The following DOP1B variants were observed in gnomAD, a reference collection of about 807,000 sequenced individuals.
DOP1B encodes protein DOP1B.
A neutral mutation model predicts 233.5 loss-of-function variants in DOP1B; 174 were observed. That is an observed-to-expected ratio of 0.75 (90% CI 0.66 to 0.85). The LOEUF (loss-of-function observed/expected upper bound fraction) is 0.85. DOP1B is among the 40% of genes least tolerant of loss of function. The pLI is 0.00. For missense variants in DOP1B, 2,652 were observed against 2,846.6 expected, an observed-to-expected ratio of 0.93 and a Z score of 1.56; for synonymous variants, 1,190 against 1,185.6, an observed-to-expected ratio of 1.00 and a Z score of -0.08.
intron 27 of DOP1B, among the ~76,000 whole-genome samples, chr21:36,270,551 T>C (rs188813408): frequency 0.032 from 603 of 18,886 alleles, 24 homozygotes; most frequent in African/African-American, 0.12. Flanking sequence ...AGACTCCGTC[T>C]CAAAAAAAAA....
intron 4 of DOP1B, among the ~76,000 whole-genome samples, chr21:36,205,588 A>G (rs1382794706): frequency 6.6e-6 from 1 of 151,864 alleles, no homozygotes; most frequent in Non-Finnish European, 1.5e-5. Flanking sequence ...GGGTTTTACC[A>G]TGTTGGCCAG....
In DOP1B at chr21:36,263,614, T is replaced by G. The variant is rs761967672; in HGVS notation, c.5384T>G (p.Leu1795Trp). The change falls in exon 25 of 37, where the codon TTG becomes TGG. Residue 1795 changes from leucine to tryptophan, a missense_variant. Leu to Trp is a moderately conservative substitution (Grantham distance 61, BLOSUM62 -2). This residue lies in a region of DOP1B where 2,617 missense variants were observed against 2,794.3 expected (regional missense o/e 0.94). Transcript: ENST00000691173. ...GGAGTATTGAAAGAGTCTGTACAGTTGAATCTAGCCCCACCTGGGTATTTT... is the reference window on the plus strand; with the variant it reads ...GGAGTATTGAAAGAGTCTGTACAGTGGAATCTAGCCCCACCTGGGTATTTT... ...LLGVLKESVQ[L>W]NLAPPGYFLL... 6.2e-7 allele frequency: 1 copy of G among 1,614,210 alleles called. No individual in the cohort carries two copies. Among genetic ancestry groups the G allele is most frequent in the Admixed American group, 1.7e-5 (1 of 60,014 alleles).
chr21:36,201,777 G>A (rs2066370571), intron 4 of DOP1B, among the ~76,000 whole-genome samples: 2 of 152,202 alleles, frequency 1.3e-5, no homozygotes, highest in Non-Finnish European at 2.9e-5. Flanking sequence ...ACAGGTTTCA[G>A]TAGCACCTTG....
chr21:36,202,529 C>T lies in DOP1B; in HGVS notation c.491+2028C>T, dbSNP rs77376399. Among the ~76,000 whole-genome samples, 48 of 152,258 alleles carry T rather than the reference C, an allele frequency of 3.2e-4. No individual in the cohort carries two copies. The East Asian group carries it at 8.7e-3, about 28-fold the overall frequency. ...GGAATCAATCCAAGGTCCATTTGCA[C>T]GGCTCCCCCAGCCTTAAGTAAACCA... On this transcript the variant is annotated intron_variant, in intron 4 of 36. Coordinates refer to ENST00000691173, the MANE Select transcript of DOP1B (RefSeq NM_001320714.2).
Position 36,245,034 on chromosome 21 carries a change from C to G in DOP1B, c.3068-14C>G, listed in dbSNP as rs746081770. The G allele has an allele frequency of 6.3e-7, 1 of 1,581,456 alleles. No homozygotes were observed. The highest frequency in any genetic ancestry group is 8.6e-7 in the Non-Finnish European group (1 of 1,157,730). On this transcript the variant is annotated splice_polypyrimidine_tract_variant and intron_variant, in intron 18 of 36. Transcript: ENST00000691173. The surrounding 1 kb of genome is among the most constrained non-coding windows in gnomAD (Gnocchi z 5.5). The stretch of plus-strand genomic sequence containing the variant: ...CCTTCTGTCTAAAGTCATTTGTCAT[C>G]TTGTAATTTTCAGATGACTTGCACC...
rs2066712383 is a variant in DOP1B at position 36,227,892 on chromosome 21, G to C, written c.1665+15G>C. The C allele has an allele frequency of 6.4e-7, 1 of 1,560,664 alleles. No individual in the cohort carries two copies. On this transcript the variant is annotated intron_variant, in intron 13 of 36. Coordinates refer to ENST00000691173, the MANE Select transcript of DOP1B (RefSeq NM_001320714.2). ...GCGGAACCTCGGTGTGTACTCTGAG[G>C]GGCAGAAATGGTTCTGGGGGCTAAA...
chr21:36,200,579 C>T, intron 4 of DOP1B, 78 bp downstream of exon 4: 2 of 1,494,094 alleles, frequency 1.3e-6, no homozygotes, highest in South Asian at 2.7e-5. Flanking sequence ...CGCAGTGGCT[C>T]ACGCCTGTAA....
In DOP1B at chr21:36,246,293, A is replaced by C. The variant is rs1285052134; in HGVS notation, c.4313A>C (p.Gln1438Pro). ...CAGATCTGGAGTGAGCACCCGCTGC[A>C]GATTGAGCTGCTGAAGCTGCTGCAG... ...QDQIWSEHPL[Q>P]IELLKLLQVL... is the part of the protein sequence containing the mutation. The change falls in exon 19 of 37, where the codon CAG becomes CCG. Residue 1438 changes from glutamine (Q) to proline (P), a missense_variant. By Grantham distance (76) the Gln-to-Pro change is moderately conservative. Coordinates refer to ENST00000691173, the MANE Select transcript of DOP1B (RefSeq NM_001320714.2). The surrounding 1 kb of genome is among the most constrained non-coding windows in gnomAD (Gnocchi z 5.1). The C allele has an allele frequency of 2.5e-6, 4 of 1,613,892 alleles. No homozygotes were observed. The African/African-American group carries it at 5.3e-5, about 22-fold the overall frequency.
At chr21:36,270,895 A>G (rs1452967777) in intron 27 of DOP1B, among the ~76,000 whole-genome samples, 1 of 146,018 alleles carries the variant, frequency 6.8e-6, no homozygotes, top group African/African-American at 2.6e-5. Context: ...CCTGGGCGAC[A>G]GAGTGAGACT....
chr21:36,234,821 G>A (rs1452601893), intron 15 of DOP1B, among the ~76,000 whole-genome samples: 1 of 152,080 alleles, frequency 6.6e-6, no homozygotes, highest in Non-Finnish European at 1.5e-5. Flanking sequence ...ACAGGCGTGA[G>A]CCACCGCACC....
intron 9 of DOP1B, among the ~76,000 whole-genome samples, chr21:36,218,840 C>T (rs765232933): frequency 2.6e-5 from 4 of 152,156 alleles, no homozygotes; most frequent in Non-Finnish European, 4.4e-5. Flanking sequence ...TTCTTTTGTG[C>T]CATCTTTCTC....
chr21:36,206,439 A>G (rs539518918), intron 4 of DOP1B, among the ~76,000 whole-genome samples: 1 of 152,060 alleles, frequency 6.6e-6, no homozygotes, highest in South Asian at 2.1e-4. Context: ...CTGAGGCAGG[A>G]AAATTGATTG....
chr21:36,246,456 C>T lies in DOP1B; in HGVS notation c.4476C>T (p.Pro1492=), dbSNP rs1247377860. ...CCCTGCAGTACGTGCAGCCCCACCCCCTCACCTCCCAGGGTCTTCTGGTCT... is the reference window on the plus strand; with the variant it reads ...CCCTGCAGTACGTGCAGCCCCACCCTCTCACCTCCCAGGGTCTTCTGGTCT... ...ISALQYVQPH[P]LTSQGLLVSA... Residue 1492 remains proline (P), a synonymous_variant, in exon 19 of 37, where the codon CCC becomes CCT. Transcript: ENST00000691173. The surrounding 1 kb of genome is among the most constrained non-coding windows in gnomAD (Gnocchi z 5.1). 6.2e-7 allele frequency: 1 copy of T among 1,613,914 alleles called. No homozygotes were observed. The highest frequency in any genetic ancestry group is 8.5e-7 in the Non-Finnish European group (1 of 1,179,972).
chr21:36,263,032 C>T (rs913355969), intron 24 of DOP1B, among the ~76,000 whole-genome samples: 7 of 151,742 alleles, frequency 4.6e-5, no homozygotes, highest in African/African-American at 1.2e-4. Flanking sequence ...GTCGGGAGTT[C>T]GAGATCAGCC....
chr21:36,264,766 C>T lies in DOP1B; in HGVS notation c.5487+952C>T, dbSNP rs189887424. ...GGGATTACAGACGTGAGCTACCACACCCAGCCTCCATACATGGATTTCTTT... is the reference window on the plus strand; with the variant it reads ...GGGATTACAGACGTGAGCTACCACATCCAGCCTCCATACATGGATTTCTTT... On this transcript the variant is annotated intron_variant, in intron 26 of 36. Transcript: ENST00000691173. 5.3e-3 allele frequency among the ~76,000 whole-genome samples: 808 copies of T among 152,186 alleles called. 14 individuals carry two copies. The highest frequency in any genetic ancestry group is 0.018 in the African/African-American group (767 of 41,512).
chr21:36,211,425 C>T (rs2066496856), intron 5 of DOP1B, 128 bp from the exon 6 acceptor site: 1 of 798,210 alleles, frequency 1.3e-6, no homozygotes, highest in Non-Finnish European at 2.1e-6. Context: ...ACCCTCCTGA[C>T]CTGTGGCTGC....
At position 36,245,191 on chromosome 21, in the gene DOP1B, G is replaced by A; in HGVS notation, c.3211G>A (p.Val1071Met). The A allele has an allele frequency of 1.2e-6, 2 of 1,614,104 alleles. No individual in the cohort carries two copies. The highest frequency in any genetic ancestry group is 2.2e-5 in the South Asian group (2 of 91,086). Residue 1071 changes from valine to methionine, a missense_variant, in exon 19 of 37, where the codon GTG (valine) becomes ATG (methionine). Coordinates refer to ENST00000691173, the MANE Select transcript of DOP1B (RefSeq NM_001320714.2). The surrounding 1 kb of genome is among the most constrained non-coding windows in gnomAD (Gnocchi z 5.5). ...TVDREAIWAE[V>M]EKEPEKYPLR... ...GGACCGTGAAGCCATTTGGGCCGAA[G>A]TGGAGAAGGAGCCCGAGAAGTACCC...
intron 11 of DOP1B, among the ~76,000 whole-genome samples, chr21:36,224,126 G>A (rs117439118): frequency 1.3e-5 from 2 of 152,196 alleles, no homozygotes; most frequent in East Asian, 3.9e-4. Flanking sequence ...TGAGGTTAGA[G>A]TATGCTTTGG....
At chr21:36,243,698 G>T (rs746702108) in intron 18 of DOP1B, among the ~76,000 whole-genome samples, 25 of 151,116 alleles carry the variant, frequency 1.7e-4, no homozygotes, top group Middle Eastern at 3.4e-3. Flanking sequence ...TAGAGACAGG[G>T]GTCTCACTCT....
Sources: allele counts gnomAD v4.1 joint callset (sites outside exome capture counted in the v4.1 genomes callset), GRCh38; gene constraint gnomAD v4.1.1; regional missense constraint gnomAD v4.1.1; non-coding constraint Gnocchi (gnomAD v3.1); transcripts MANE v1.5; gene names NCBI Gene and HGNC (gene_info 2026-07-23, HGNC 2026-07-21).